The following ZNF138 variants were observed in gnomAD, a reference collection of about 807,000 sequenced individuals.
The protein encoded by ZNF138 is zinc finger protein 138.
ZNF138 carries 33 observed loss-of-function variants against 33.0 expected under a neutral mutation model. The ratio of observed to expected loss-of-function variants is 1.00; its 90% CI spans 0.76 to 1.34. ZNF138 has a LOEUF of 1.34. Among genes scored for constraint, ZNF138 ranks in the 40% most tolerant of loss-of-function variants. The probability of loss-of-function intolerance (pLI) is 0.00; values close to 1 mark genes in which losing one functional copy is unlikely to be tolerated. For synonymous variants in ZNF138, 139 were observed against 120.4 expected (o/e 1.15, Z -1.01); for missense variants, 360 against 370.8 (o/e 0.97, Z 0.24).
In ZNF138 at chr7:64,832,129, A is replaced by C; in HGVS notation, c.887A>C (p.Lys296Thr). 4 of 1,612,760 alleles carry C rather than the reference A, an allele frequency of 2.5e-6. No homozygotes were observed. The highest frequency in any genetic ancestry group is 3.4e-6 in the Non-Finnish European group (4 of 1,179,724). ...TTTAAGCAGTCCCCAACCCTTACTA[A>C]ACATCAGATAATTTATACTGGAGAG... Reference protein sequence around the residue: ...KVFKQSPTLTKHQIIYTGEEP... With the variant: ...KVFKQSPTLTTHQIIYTGEEP... Residue 296 changes from lysine to threonine, a missense_variant, in exon 4 of 4, where the codon AAA becomes ACA. Coordinates refer to ENST00000307355, the MANE Select transcript of ZNF138 (RefSeq NM_001271639.2).
intron 1 of ZNF138, among the ~76,000 whole-genome samples, chr7:64,804,516 TG>T (rs1787416727): frequency 6.6e-6 from 1 of 152,146 alleles, no homozygotes; most frequent in African/African-American, 2.4e-5. Context: ...GAGGGGTTTT[TG>T]TCTGCAGCTT....
chr7:64,798,788 A>AC (rs1173684085), intron 1 of ZNF138, among the ~76,000 whole-genome samples: 1 of 151,906 alleles, frequency 6.6e-6, no homozygotes, highest in Non-Finnish European at 1.5e-5. Context: ...CAAAAAAAAA[A>AC]AAAAAAGGAA....
intron 3 of ZNF138, among the ~76,000 whole-genome samples, chr7:64,828,450 A>G (rs1454437795): frequency 6.6e-6 from 1 of 152,066 alleles, no homozygotes; most frequent in Non-Finnish European, 1.5e-5. Context: ...TGGCTGGCCC[A>G]TTTCATTTTG....
intron 3 of ZNF138, among the ~76,000 whole-genome samples, chr7:64,816,203 A>G (rs1384049282): frequency 6.6e-6 from 1 of 152,144 alleles, no homozygotes; most frequent in African/African-American, 2.4e-5. Context: ...AGTTTCATGT[A>G]AATTTTAGAA....
At chr7:64,823,040 C>T (rs1789293815) in intron 3 of ZNF138, among the ~76,000 whole-genome samples, 1 of 151,030 alleles carries the variant, frequency 6.6e-6, no homozygotes, top group African/African-American at 2.4e-5. Flanking sequence ...ACCACCACGC[C>T]CGTCTAATTT....
downstream of ZNF138, among the ~76,000 whole-genome samples, chr7:64,837,237 G>C (rs933926550): frequency 5.3e-5 from 8 of 151,438 alleles, no homozygotes; most frequent in East Asian, 3.9e-4. Context: ...AGGAGGGAAG[G>C]CCTGTAAGTT....
At chr7:64,845,390 A>G in the ZNF138 span, among the ~76,000 whole-genome samples, 1 of 152,216 alleles carries the variant, frequency 6.6e-6, no homozygotes, top group Admixed American at 6.5e-5. Context: ...ATAAACATAC[A>G]TGTGCAAGTA....
chr7:64,845,548 T>G, the ZNF138 span, among the ~76,000 whole-genome samples: 1 of 152,242 alleles, frequency 6.6e-6, no homozygotes, highest in Non-Finnish European at 1.5e-5. Flanking sequence ...ACCAGCAGTG[T>G]AGAAGTGTTC....
At chr7:64,812,227 T>G (rs1244292422) in intron 1 of ZNF138, among the ~76,000 whole-genome samples, 1 of 152,094 alleles carries the variant, frequency 6.6e-6, no homozygotes, top group Non-Finnish European at 1.5e-5. Context: ...GGCATGATCT[T>G]GGCTCAATTC....
chr7:64,796,893 A>AGCCCTGGCCGTACGCC (rs1786732127), intron 1 of ZNF138, among the ~76,000 whole-genome samples: 1 of 152,154 alleles, frequency 6.6e-6, no homozygotes, highest in East Asian at 1.9e-4. Flanking sequence ...AAATACAAAA[A>AGCCCTGGCCGTACGCC]TTAGAAATTA....
At chr7:64,852,821 CAG>C in the ZNF138 span, 1 of 845,254 alleles carries the variant, frequency 1.2e-6, no homozygotes, top group Non-Finnish European at 2.1e-6. Flanking sequence ...ACTGGGCTGA[CAG>C]ACAGTGGTAG....
intron 1 of ZNF138, among the ~76,000 whole-genome samples, chr7:64,796,142 C>A (rs1786670565): frequency 6.6e-6 from 1 of 152,182 alleles, no homozygotes; most frequent in African/African-American, 2.4e-5. Context: ...GAAATAATTT[C>A]GGCCCACTGG....
chr7:64,837,073 G>A (rs981717557), downstream of ZNF138, among the ~76,000 whole-genome samples: 7 of 152,182 alleles, frequency 4.6e-5, no homozygotes, highest in African/African-American at 1.4e-4. Context: ...AGCTTTCCTC[G>A]AGAAGAACCT....
At chr7:64,853,381 G>A in the ZNF138 span, 11 of 1,270,066 alleles carry the variant, frequency 8.7e-6, no homozygotes, top group Non-Finnish European at 1.1e-5. Context: ...TCTCCTCACA[G>A]CTCAGCCCCT....
rs1789162937 is a variant in ZNF138 at position 64,821,778 on chromosome 7, C to G, written c.208+6125C>G. ...GCCAGGCTGGTCTCCAACTACTGAC[C>G]TCGTGATCCTCCTGCCTTGGCCTCC... On this transcript the variant is annotated intron_variant, in intron 3 of 3. Coordinates refer to ENST00000307355, the MANE Select transcript of ZNF138 (RefSeq NM_001271639.2). Among the ~76,000 whole-genome samples the G allele has an allele frequency of 1.3e-5, 2 of 151,380 alleles. 1 individual carries two copies. The highest frequency in any genetic ancestry group is 4.9e-5 in the African/African-American group (2 of 40,820).
At chr7:64,812,031 T>C (rs958832345) in intron 1 of ZNF138, among the ~76,000 whole-genome samples, 41 of 152,204 alleles carry the variant, frequency 2.7e-4, no homozygotes, top group African/African-American at 9.9e-4. Flanking sequence ...ACTTATACCC[T>C]TTCCACATGT....
the ZNF138 span, chr7:64,852,881 A>T: frequency 2.1e-6 from 2 of 931,222 alleles, no homozygotes; most frequent in East Asian, 4.8e-5. Flanking sequence ...TTGGCCGCCC[A>T]TTACAGACGT....
the ZNF138 span, among the ~76,000 whole-genome samples, chr7:64,841,952 C>T: frequency 6.6e-6 from 1 of 152,156 alleles, no homozygotes; most frequent in Non-Finnish European, 1.5e-5. Flanking sequence ...AATTCTTACA[C>T]AGAGTGTGAC....
At chr7:64,810,559 T>G (rs1788086760) in intron 1 of ZNF138, among the ~76,000 whole-genome samples, 2 of 3,116 alleles carry the variant, frequency 6.4e-4, no homozygotes, top group African/African-American at 9.0e-4. Context: ...GAGATTTGTT[T>G]AAATTGCTTA....
Sources: gnomAD v4.1 joint callset for allele counts (sites outside exome capture counted in the v4.1 genomes callset) on GRCh38, gnomAD v4.1.1 for gene constraint, MANE v1.5 for transcripts, NCBI Gene and HGNC (gene_info 2026-07-23, HGNC 2026-07-21) for gene names.